Variants in SLAIN2 observed in about 807,000 individuals in gnomAD.
The protein encoded by SLAIN2 is SLAIN family member 2, also known as SLAIN motif-containing protein 2.
SLAIN2 carries 31 observed loss-of-function variants against 56.6 expected under a neutral mutation model. That is an observed-to-expected ratio of 0.55 (90% confidence interval 0.41 to 0.74). The LOEUF is 0.74. SLAIN2 is among the 30% of genes least tolerant of loss of function. The pLI is 0.00. For synonymous variants in SLAIN2, 317 were observed against 284.9 expected (o/e 1.11, Z -1.13); for missense variants, 777 against 754.2 (o/e 1.03, Z -0.35).
intron 1 of SLAIN2, among the ~76,000 whole-genome samples, chr4:48,347,344 C>T (rs565234): frequency 0.23 from 33,501 of 146,704 alleles, 4,671 homozygotes; most frequent in Middle Eastern, 0.34. Flanking sequence ...ACCCCTGGCT[C>T]AAGTGATTGT....
At chr4:48,408,975 A>G (rs1716776075) in intron 6 of SLAIN2, among the ~76,000 whole-genome samples, 1 of 152,214 alleles carries the variant, frequency 6.6e-6, no homozygotes, top group Non-Finnish European at 1.5e-5. Flanking sequence ...CCGTTGTGTT[A>G]CAATTGCCTA....
intron 4 of SLAIN2, 102 bp downstream of exon 4, chr4:48,379,950 AAGT>A: frequency 1.8e-6 from 2 of 1,089,686 alleles, no homozygotes; most frequent in Non-Finnish European, 2.5e-6. Flanking sequence ...AATGTAGTGA[AAGT>A]AGAAATGTTG....
intron 4 of SLAIN2, among the ~76,000 whole-genome samples, chr4:48,380,615 C>G (rs911737102): frequency 1.3e-5 from 2 of 152,074 alleles, no homozygotes; most frequent in Non-Finnish European, 2.9e-5. Flanking sequence ...GGCTACTTGC[C>G]CTGGTACTCA....
intron 6 of SLAIN2, among the ~76,000 whole-genome samples, chr4:48,405,610 ATTTTT>A (rs889867812): frequency 2.7e-5 from 4 of 146,906 alleles, no homozygotes; most frequent in African/African-American, 9.9e-5. Flanking sequence ...TTGCAAAACT[ATTTTT>A]TTTTTTGCAT....
intron 7 of SLAIN2, among the ~76,000 whole-genome samples, chr4:48,420,977 C>A (rs1717130902): frequency 6.6e-6 from 1 of 151,820 alleles, no homozygotes; most frequent in South Asian, 2.1e-4. Flanking sequence ...TGTGGGTGTG[C>A]TAGGTATTTT....
In SLAIN2 at chr4:48,365,444, CA is replaced by C. The variant is rs34317951; in HGVS notation, c.390-4384del. Among the ~76,000 whole-genome samples, 540 of 56,990 alleles carry C rather than the reference CA, an allele frequency of 9.5e-3. 4 individuals are homozygous for C. Among genetic ancestry groups the C allele is most frequent in the Admixed American group, 0.016 (79 of 4,834 alleles). 37.4% of individuals were successfully genotyped at this position (56,990 alleles called of 152,430 possible). The stretch of plus-strand genomic sequence containing the variant: ...ATCGCAACAGAGCAAGACTCCATCT[CA>C]AAAAAAAAAAAAAAAAAAAAGCACT... On this transcript the variant is annotated intron_variant, in intron 1 of 7. Transcript: ENST00000264313.
intron 1 of SLAIN2, 116 bp from the exon 2 acceptor site, chr4:48,369,733 T>C: frequency 1.2e-6 from 1 of 863,160 alleles, no homozygotes; most frequent in East Asian, 2.6e-5. Flanking sequence ...TGATTTAAAA[T>C]ATACTCCATG....
intron 6 of SLAIN2, among the ~76,000 whole-genome samples, chr4:48,413,345 C>T (rs115859301): frequency 0.015 from 2,356 of 152,246 alleles, 29 homozygotes; most frequent in Non-Finnish European, 0.025. Flanking sequence ...ACACGACATC[C>T]TGACTTTCCT....
chr4:48,353,069 T>C (rs905736156), intron 1 of SLAIN2, among the ~76,000 whole-genome samples: 1 of 152,166 alleles, frequency 6.6e-6, no homozygotes, highest in African/African-American at 2.4e-5. Flanking sequence ...TTGTGAGGTT[T>C]CCCCAGCCTT....
At chr4:48,373,065 T>C (rs1715712021) in intron 2 of SLAIN2, among the ~76,000 whole-genome samples, 1 of 152,192 alleles carries the variant, frequency 6.6e-6, no homozygotes, top group Admixed American at 6.5e-5. Flanking sequence ...TTAACCCTCA[T>C]TTACCCTCCC....
intron 6 of SLAIN2, among the ~76,000 whole-genome samples, chr4:48,412,874 G>A (rs1716901204): frequency 6.6e-6 from 1 of 152,066 alleles, no homozygotes; most frequent in African/African-American, 2.4e-5. Flanking sequence ...TATAAAACCT[G>A]CCTAGGATAG....
intron 1 of SLAIN2, among the ~76,000 whole-genome samples, chr4:48,347,003 A>G (rs1714884465): frequency 6.6e-6 from 1 of 151,712 alleles, no homozygotes; most frequent in African/African-American, 2.4e-5. Flanking sequence ...GTGGTTTTCC[A>G]GTCATTCTAA....
intron 5 of SLAIN2, among the ~76,000 whole-genome samples, chr4:48,383,168 CAA>C (rs34436951): frequency 0.38 from 36,006 of 95,180 alleles, 4,815 homozygotes; most frequent in East Asian, 0.54. Flanking sequence ...ATCCTGTTTT[CAA>C]AAAAAAAAAA....
intron 6 of SLAIN2, among the ~76,000 whole-genome samples, chr4:48,395,834 T>A (rs1716365740): frequency 7.8e-6 from 1 of 128,772 alleles, no homozygotes; most frequent in Admixed American, 7.9e-5. Flanking sequence ...TTTTTGAGAC[T>A]TTTCAATATT....
chr4:48,409,738 G>T (rs894267168), intron 6 of SLAIN2, among the ~76,000 whole-genome samples: 7 of 152,134 alleles, frequency 4.6e-5, no homozygotes, highest in Admixed American at 2.0e-4. Flanking sequence ...ACAAAAATTA[G>T]CTGGGTGTGG....
intron 6 of SLAIN2, among the ~76,000 whole-genome samples, chr4:48,414,550 ATTTTT>A (rs36222817): frequency 4.2e-4 from 58 of 136,966 alleles, no homozygotes; most frequent in African/African-American, 1.5e-3. Context: ...TTGGTGTGGT[ATTTTT>A]TTTTTTTTTT....
chr4:48,369,453 G>GT (rs1715609425), intron 1 of SLAIN2, among the ~76,000 whole-genome samples: 1 of 152,172 alleles, frequency 6.6e-6, no homozygotes, highest in Non-Finnish European at 1.5e-5. Context: ...AGATGTTTGT[G>GT]TATGTCGTGG....
At chr4:48,384,158 T>C (rs190718836) in intron 6 of SLAIN2, among the ~76,000 whole-genome samples, 7 of 152,324 alleles carry the variant, frequency 4.6e-5, no homozygotes, top group African/African-American at 1.4e-4. Flanking sequence ...AAATTTTCTT[T>C]AATAACCTCC....
intron 6 of SLAIN2, among the ~76,000 whole-genome samples, chr4:48,418,093 CT>C (rs1717045570): frequency 1.3e-5 from 2 of 148,350 alleles, no homozygotes. Context: ...CTTCTTCTTC[CT>C]CTTCCTCCTC....
Sources: gnomAD v4.1 joint callset for allele counts (sites outside exome capture counted in the v4.1 genomes callset) on GRCh38, gnomAD v4.1.1 for gene constraint, MANE v1.5 for transcripts, NCBI Gene and HGNC (gene_info 2026-07-23, HGNC 2026-07-21) for gene names.